Variants in CHD9 observed in about 807,000 individuals in gnomAD.
The protein encoded by CHD9 is chromodomain helicase DNA binding protein 9, also known as ATP-dependent chromatin remodeler CHD9.
Under a neutral mutation model 316.1 loss-of-function variants are expected in CHD9, and 77 were observed. That is an observed-to-expected ratio of 0.24 (90% CI 0.20 to 0.29). The LOEUF (loss-of-function observed/expected upper bound fraction) is 0.29, where lower values mean the gene tolerates loss of function less well. Ranked by LOEUF, CHD9 falls within the 10% of genes least tolerant of loss-of-function variation. CHD9 has a pLI of 1.00. For missense variants in CHD9, 2,763 were observed against 3,438.1 expected, an observed-to-expected ratio of 0.80 and a Z score of 4.91; for synonymous variants, 1,129 against 1,158.3, an observed-to-expected ratio of 0.97 and a Z score of 0.51.
intron 3 of CHD9, among the ~76,000 whole-genome samples, chr16:53,212,332 G>A (rs868052832): frequency 7.9e-5 from 12 of 152,036 alleles, no homozygotes; most frequent in African/African-American, 2.4e-4. Flanking sequence ...GTGAACCTGG[G>A]AGGCAGAGGT....
At chr16:53,110,046 A>G (rs979795380) in intron 1 of CHD9, among the ~76,000 whole-genome samples, 4 of 152,166 alleles carry the variant, frequency 2.6e-5, no homozygotes, top group African/African-American at 7.2e-5. Flanking sequence ...TATACCCAAT[A>G]GATAATAATC....
At chr16:53,168,108 C>T in intron 2 of CHD9, among the ~76,000 whole-genome samples, 1 of 151,954 alleles carries the variant, frequency 6.6e-6, no homozygotes, top group East Asian at 1.9e-4. Context: ...GTCTCCTAGG[C>T]TGGAGTGCAG....
chr16:53,319,813 G>A, intron 37 of CHD9: 1 of 1,265,312 alleles, frequency 7.9e-7, no homozygotes, highest in Non-Finnish European at 1.0e-6. Flanking sequence ...TCGGGTACAG[G>A]CTTAAGGATT....
In CHD9 at chr16:53,238,463, T is replaced by C; in HGVS notation, c.2754T>C (p.Ser918=). The change falls in exon 12 of 39, where the codon TCT becomes TCC. Residue 918 remains serine, a synonymous_variant. Transcript: ENST00000447540. ...RGPFLIIAPL[S]TIANWEREFR... is the part of the protein sequence containing the mutation. ...CTTTCCTGATTATTGCTCCACTTTC[T>C]ACTATTGCAAACTGGGAGAGAGAAT... The C allele has an allele frequency of 6.2e-7, 1 of 1,613,484 alleles. No homozygotes were observed. The highest frequency in any genetic ancestry group is 1.7e-4 in the Middle Eastern group (1 of 6,058).
At chr16:53,090,785 G>C (rs761048609) in intron 1 of CHD9, among the ~76,000 whole-genome samples, 14 of 152,170 alleles carry the variant, frequency 9.2e-5, no homozygotes. Flanking sequence ...TTGGGGGCAG[G>C]GGGGTGGCAG....
chr16:53,227,329 T>C (rs2047743291), intron 5 of CHD9, 67 bp from the exon 6 acceptor site: 2 of 980,472 alleles, frequency 2.0e-6, no homozygotes, highest in Non-Finnish European at 3.1e-6. Flanking sequence ...TTCATCAACA[T>C]ACAAAGTGGC....
At position 53,245,868 on chromosome 16, in the gene CHD9, C is replaced by T; in HGVS notation, c.3454+18C>T. The T allele has an allele frequency of 1.4e-6, 2 of 1,455,034 alleles. No homozygotes were observed. Among genetic ancestry groups the T allele is most frequent in the South Asian group, 1.6e-5 (1 of 64,284 alleles). The allele number at this position is 1,455,034 out of a possible 1,614,324, so 90.1% of individuals were successfully genotyped here. A position where few individuals can be genotyped will look rare whatever the true frequency, so the allele number is the denominator to read the frequency against. On this transcript the variant is annotated intron_variant, in intron 15 of 38. Transcript: ENST00000447540. This position sits in a 1 kb window ranked among gnomAD's most constrained non-coding sequence, Gnocchi z 4.1. ...TATAAAAGGTAGCTAAAAAAGATTA[C>T]AACAAATATGTTTTTTCTTGCAACA...
In CHD9 at chr16:53,285,683, T is replaced by G; in HGVS notation, c.5055T>G (p.Ile1685Met). 6.2e-7 allele frequency: 1 copy of G among 1,603,294 alleles called. No individual in the cohort carries two copies. Among genetic ancestry groups the G allele is most frequent in the Non-Finnish European group, 8.5e-7 (1 of 1,172,392 alleles). Residue 1685 changes from isoleucine (I) to methionine (M), a missense_variant, in exon 25 of 39, where the codon ATT (isoleucine) becomes ATG (methionine). Ile to Met is a conservative substitution (Grantham distance 10). Transcript: ENST00000447540. ...WDFDADKSLLIGVFKHGYEKY... is the reference protein window; with the variant it reads ...WDFDADKSLLMGVFKHGYEKY... ...TTGATGCTGATAAGTCACTCCTTATTGGAGTTTTTAAACATGGTAAGTAAG... is the reference window on the plus strand; with the variant it reads ...TTGATGCTGATAAGTCACTCCTTATGGGAGTTTTTAAACATGGTAAGTAAG...
intron 1 of CHD9, among the ~76,000 whole-genome samples, chr16:53,146,753 C>T (rs184410176): frequency 3.2e-4 from 48 of 149,958 alleles, no homozygotes; most frequent in Middle Eastern, 3.5e-3. Flanking sequence ...GAACCGAGAT[C>T]GTACCACTGC....
chr16:53,248,526 G>GTTTTTTTTTTTTTTTTTTT (rs542703474), intron 16 of CHD9, among the ~76,000 whole-genome samples: 1 of 105,996 alleles, frequency 9.4e-6, no homozygotes, highest in Non-Finnish European at 1.9e-5. Flanking sequence ...TTTTTTTTTT[G>GTTTTTTTTTTTTTTTTTTT]TTTTTTTTTT....
At chr16:53,218,023 A>T (rs1294718469) in intron 3 of CHD9, among the ~76,000 whole-genome samples, 2 of 151,676 alleles carry the variant, frequency 1.3e-5, no homozygotes, top group Non-Finnish European at 2.9e-5. Flanking sequence ...ACCCAAATTA[A>T]CCCAGAATTG....
chr16:53,254,404 A>T, intron 17 of CHD9, 34 bp from the exon 18 acceptor site: 1 of 1,480,586 alleles, frequency 6.8e-7, no homozygotes, highest in Non-Finnish European at 9.1e-7. Flanking sequence ...CCTTTTGAGA[A>T]ACTAATTAAA....
At chr16:53,318,643 T>C (rs1054453572) in intron 37 of CHD9, among the ~76,000 whole-genome samples, 5 of 152,152 alleles carry the variant, frequency 3.3e-5, no homozygotes, top group African/African-American at 1.2e-4. Context: ...ATCGGGGTGA[T>C]TTCACCTCTC....
At chr16:53,083,241 C>T (rs1466490912) in intron 1 of CHD9, among the ~76,000 whole-genome samples, 1 of 152,162 alleles carries the variant, frequency 6.6e-6, no homozygotes, top group Non-Finnish European at 1.5e-5. Context: ...CTTGCATAAA[C>T]TAAGGATGCA....
At chr16:53,300,403 A>C (rs994293462) in intron 30 of CHD9, among the ~76,000 whole-genome samples, 1 of 149,184 alleles carries the variant, frequency 6.7e-6, no homozygotes, top group Admixed American at 6.6e-5. Flanking sequence ...CCTGCTTCCA[A>C]CTGATGGATA....
chr16:53,166,530 T>C (rs2042278299), intron 2 of CHD9, among the ~76,000 whole-genome samples: 1 of 152,192 alleles, frequency 6.6e-6, no homozygotes, highest in Admixed American at 6.5e-5. Context: ...TATTGATACA[T>C]GAAATATAAG....
intron 1 of CHD9, among the ~76,000 whole-genome samples, chr16:53,119,596 G>A (rs1049599671): frequency 6.6e-6 from 1 of 152,084 alleles, no homozygotes; most frequent in African/African-American, 2.4e-5. Flanking sequence ...ACTTTGGGAG[G>A]CCAAGGCAGG....
At chr16:53,282,677 T>C (rs2053522605) in intron 24 of CHD9, among the ~76,000 whole-genome samples, 1 of 152,194 alleles carries the variant, frequency 6.6e-6, no homozygotes, top group Admixed American at 6.5e-5. Flanking sequence ...CACTATGCAA[T>C]CTACCACAAT....
At chr16:53,213,491 A>G (rs555469331) in intron 3 of CHD9, among the ~76,000 whole-genome samples, 22 of 152,340 alleles carry the variant, frequency 1.4e-4, no homozygotes, top group African/African-American at 4.8e-4. Flanking sequence ...AGAAGGTTAA[A>G]TATTAAATGA....
Sources: gnomAD v4.1 joint callset for allele counts (sites outside exome capture counted in the v4.1 genomes callset) on GRCh38, gnomAD v4.1.1 for gene constraint, Gnocchi (gnomAD v3.1) non-coding constraint, MANE v1.5 for transcripts, NCBI Gene and HGNC (gene_info 2026-07-23, HGNC 2026-07-21) for gene names.